NDUFAF2: variants seen among roughly 807,000 people sequenced by gnomAD.
NDUFAF2 encodes NADH dehydrogenase [ubiquinone] 1 alpha subcomplex assembly factor 2.
A neutral mutation model predicts 22.8 loss-of-function variants in NDUFAF2; 13 were observed. That is an observed-to-expected ratio of 0.57 (90% confidence interval 0.37 to 0.91). The LOEUF (loss-of-function observed/expected upper bound fraction) is 0.91, where lower values mean the gene tolerates loss of function less well. NDUFAF2 is among the 40% of genes least tolerant of loss of function. NDUFAF2 has a pLI of 0.01. For missense variants in NDUFAF2, 162 were observed against 195.2 expected, an observed-to-expected ratio of 0.83 and a Z score of 1.01; for synonymous variants, 53 against 64.2, an observed-to-expected ratio of 0.83 and a Z score of 0.84.
rs754727165 is a variant in NDUFAF2 at position 61,073,076 on chromosome 5, C to T, written c.128-49C>T. 6 of 1,125,004 alleles carry T rather than the reference C, an allele frequency of 5.3e-6. 1 individual carries two copies. The East Asian group carries it at 1.2e-4, about 22-fold the overall frequency. The allele number at this position is 1,125,004 out of a possible 1,614,324, so 69.7% of individuals were successfully genotyped here. A position where few individuals can be genotyped will look rare whatever the true frequency, so the allele number is the denominator to read the frequency against. ...TATTCAAAGATTAATTGTAGAACTA[C>T]TGTATCATAGGTTCATTTAAAAATG... On this transcript the variant is annotated intron_variant, in intron 1 of 3. Coordinates refer to ENST00000296597, the MANE Select transcript of NDUFAF2 (RefSeq NM_174889.5).
At chr5:61,094,306 A>G (rs1316210251) in intron 2 of NDUFAF2, among the ~76,000 whole-genome samples, 1 of 152,102 alleles carries the variant, frequency 6.6e-6, no homozygotes, top group African/African-American at 2.4e-5. Context: ...GCATTATGAA[A>G]TTCTTGTATT....
intron 3 of NDUFAF2, among the ~76,000 whole-genome samples, chr5:61,110,426 G>A (rs1263388140): frequency 6.6e-6 from 1 of 151,982 alleles, no homozygotes; most frequent in African/African-American, 2.4e-5. Context: ...TAAAACGTTT[G>A]GTAAAGTTCA....
intron 3 of NDUFAF2, among the ~76,000 whole-genome samples, chr5:61,139,162 G>A (rs1036658070): frequency 1.3e-5 from 2 of 152,196 alleles, no homozygotes; most frequent in Middle Eastern, 3.4e-3. Context: ...TAGCCTAGTC[G>A]ACCTTAAACC....
chr5:60,972,909 T>C (rs1750855133), intron 1 of NDUFAF2, among the ~76,000 whole-genome samples: 1 of 151,856 alleles, frequency 6.6e-6, no homozygotes, highest in Non-Finnish European at 1.5e-5. Flanking sequence ...GGTTTCTTAT[T>C]CTATTACTAT....
chr5:61,103,310 CCTT>C (rs1447974407), intron 3 of NDUFAF2, among the ~76,000 whole-genome samples: 1 of 152,090 alleles, frequency 6.6e-6, no homozygotes, highest in Non-Finnish European at 1.5e-5. Context: ...AATGTCTTCT[CCTT>C]CTCCCATCAA....
intron 3 of NDUFAF2, among the ~76,000 whole-genome samples, chr5:61,141,811 A>G (rs1017420999): frequency 6.6e-6 from 1 of 152,180 alleles, no homozygotes; most frequent in African/African-American, 2.4e-5. Flanking sequence ...CAGGCTCTAT[A>G]TAGCCTAAGT....
At chr5:60,968,786 A>G (rs1256089316) in intron 1 of NDUFAF2, among the ~76,000 whole-genome samples, 1 of 152,150 alleles carries the variant, frequency 6.6e-6, no homozygotes, top group East Asian at 1.9e-4. Flanking sequence ...TTGTGCTATC[A>G]AATACCAAGT....
At chr5:61,029,426 A>G (rs540887472) in intron 1 of NDUFAF2, among the ~76,000 whole-genome samples, 27 of 152,284 alleles carry the variant, frequency 1.8e-4, no homozygotes, top group South Asian at 1.7e-3. Flanking sequence ...GAAAGGTCAA[A>G]TGTATTCCTT....
At chr5:61,044,567 A>G (rs958310397) in intron 1 of NDUFAF2, among the ~76,000 whole-genome samples, 7 of 152,132 alleles carry the variant, frequency 4.6e-5, no homozygotes, top group Non-Finnish European at 1.0e-4. Context: ...TCCAACACCA[A>G]TTTATTGAAG....
chr5:61,103,279 T>A (rs1041913830), intron 3 of NDUFAF2, among the ~76,000 whole-genome samples: 1 of 152,136 alleles, frequency 6.6e-6, no homozygotes, highest in South Asian at 2.1e-4. Context: ...TTCAAGGAAC[T>A]CCCTGCTGTT....
intron 3 of NDUFAF2, among the ~76,000 whole-genome samples, chr5:61,100,750 C>T (rs756458140): frequency 2.4e-4 from 37 of 152,096 alleles, no homozygotes; most frequent in Non-Finnish European, 4.7e-4. Flanking sequence ...CGCTTTCCCA[C>T]GCCCCACATA....
Position 61,045,536 on chromosome 5 carries a change from G to A in NDUFAF2, c.128-27589G>A, listed in dbSNP as rs780797721. On this transcript the variant is annotated intron_variant, in intron 1 of 3. Transcript: ENST00000296597. The stretch of plus-strand genomic sequence containing the variant: ...TTTATTTTTTTAGAGACGGGGTCTC[G>A]CTATTTTGTCCAGGCTGGTGTTGAA... Among the ~76,000 whole-genome samples, 102 of 151,396 alleles carry A rather than the reference G, an allele frequency of 6.7e-4. 1 individual carries two copies. The highest frequency in any genetic ancestry group is 1.6e-3 in the Admixed American group (24 of 15,186).
At chr5:61,112,036 C>T (rs1476052125) in intron 3 of NDUFAF2, among the ~76,000 whole-genome samples, 1 of 152,000 alleles carries the variant, frequency 6.6e-6, no homozygotes, top group African/African-American at 2.4e-5. Flanking sequence ...GGATTACAGG[C>T]GTGAGCCATG....
intron 1 of NDUFAF2, among the ~76,000 whole-genome samples, chr5:61,040,108 C>T (rs1580108047): frequency 6.6e-6 from 1 of 151,896 alleles, no homozygotes; most frequent in Middle Eastern, 3.4e-3. Context: ...TAGTGTCCCC[C>T]CAAAAAATGT....
intron 1 of NDUFAF2, among the ~76,000 whole-genome samples, chr5:61,005,459 G>A (rs1263215865): frequency 1.3e-5 from 2 of 152,134 alleles, no homozygotes; most frequent in East Asian, 3.8e-4. Flanking sequence ...GCCCAGTAAT[G>A]GGATGGCTGG....
chr5:61,145,213 A>C (rs1388910361), intron 3 of NDUFAF2, among the ~76,000 whole-genome samples: 2 of 152,206 alleles, frequency 1.3e-5, no homozygotes, highest in East Asian at 3.8e-4. Context: ...CAGGGCTCTT[A>C]GCAAAGTAAC....
chr5:60,962,544 A>G (rs1446756974), intron 1 of NDUFAF2, among the ~76,000 whole-genome samples: 1 of 152,130 alleles, frequency 6.6e-6, no homozygotes, highest in Non-Finnish European at 1.5e-5. Context: ...ACATTCATAA[A>G]CATTAGAAAA....
chr5:61,137,892 C>G (rs187111502), intron 3 of NDUFAF2, among the ~76,000 whole-genome samples: 23 of 152,370 alleles, frequency 1.5e-4, no homozygotes, highest in African/African-American at 5.5e-4. Flanking sequence ...TAGTAGGAAG[C>G]TCTGGAGCAA....
intron 1 of NDUFAF2, among the ~76,000 whole-genome samples, chr5:61,010,726 A>G (rs1751432912): frequency 6.6e-6 from 1 of 152,108 alleles, no homozygotes; most frequent in African/African-American, 2.4e-5. Context: ...TTTCAGTAAT[A>G]AGAACTCTAA....
Sources: gnomAD v4.1 joint callset for allele counts (sites outside exome capture counted in the v4.1 genomes callset) on GRCh38, gnomAD v4.1.1 for gene constraint, MANE v1.5 for transcripts, NCBI Gene and HGNC (gene_info 2026-07-23, HGNC 2026-07-21) for gene names.